The following SYNM variants were observed in gnomAD, a reference collection of about 807,000 sequenced individuals.
The protein encoded by SYNM is synemin, also known as desmuslin.
A neutral mutation model predicts 104.0 loss-of-function variants in SYNM; 95 were observed. The ratio of observed to expected loss-of-function variants is 0.91; its 90% CI spans 0.77 to 1.08. The LOEUF is 1.08. SYNM is among the 50% of genes least tolerant of loss of function. The pLI is 0.00. For missense variants in SYNM, 2,150 were observed against 2,052.2 expected (o/e 1.05, Z -0.92); for synonymous variants, 918 against 869.0 (o/e 1.06, Z -0.99).
chr15:99,124,734 C>T (rs1388275288), intron 2 of SYNM, among the ~76,000 whole-genome samples: 8 of 152,270 alleles, frequency 5.3e-5, no homozygotes, highest in African/African-American at 1.7e-4. Flanking sequence ...ACTGGTGAGC[C>T]GTATGCCCTT....
At chr15:99,138,292 G>A (rs1305950895), downstream of SYNM, among the ~76,000 whole-genome samples, 2 of 151,774 alleles carry the variant, frequency 1.3e-5, no homozygotes, top group African/African-American at 4.8e-5. Context: ...AACATGAGAT[G>A]TTTTCCTCCC....
intron 2 of SYNM, among the ~76,000 whole-genome samples, chr15:99,115,366 C>G (rs1327760905): frequency 1.1e-4 from 17 of 151,626 alleles, no homozygotes; most frequent in African/African-American, 4.1e-4. Flanking sequence ...AGGCCTAGTT[C>G]AGCACATCTT....
Position 99,105,759 on chromosome 15 carries a change from A to G in SYNM, c.560A>G (p.Tyr187Cys), listed in dbSNP as rs2151796162. Residue 187 changes from tyrosine (Y) to cysteine (C), a missense_variant, in exon 1 of 4, where the codon TAC (tyrosine) becomes TGC (cysteine). Transcript: ENST00000336292. ...PPRLREVHDS[Y>C]ALLVAESWRE... is the part of the protein sequence containing the mutation. ...CGCCTGCGGGAGGTGCACGACAGCT[A>G]CGCACTGCTGGTGGCCGAGTCGTGG... 5 of 1,538,734 alleles carry G rather than the reference A, an allele frequency of 3.2e-6. No individual in the cohort carries two copies. The highest frequency in any genetic ancestry group is 4.0e-5 in the Admixed American group (2 of 50,602).
intron 2 of SYNM, among the ~76,000 whole-genome samples, chr15:99,118,984 G>GGTGTGTA (rs1280222218): frequency 3.2e-4 from 48 of 152,362 alleles, no homozygotes; most frequent in African/African-American, 1.1e-3. Context: ...CTGGCACCAG[G>GGTGTGTA]CTGTACTGGC....
Position 99,131,560 on chromosome 15 carries a change from G to A in SYNM, c.3200G>A (p.Arg1067His), listed in dbSNP as rs5030698. The A allele has an allele frequency of 2.0e-5, 32 of 1,608,906 alleles. No homozygotes were observed. Among genetic ancestry groups the A allele is most frequent in the African/African-American group, 8.0e-5 (6 of 75,066 alleles). Residue 1067 changes from arginine (R) to histidine (H), a missense_variant, in exon 4 of 4, where the codon CGT (arginine) becomes CAT (histidine). Physicochemically the swap from Arg to His is conservative, Grantham distance 29. Coordinates refer to ENST00000336292, the MANE Select transcript of SYNM (RefSeq NM_145728.3). The surrounding 1 kb of genome is among the most constrained non-coding windows in gnomAD (Gnocchi z 4.3). ...EAPAAGIRFR[R>H]WATRELYIPS... is the part of the protein sequence containing the mutation. ...CCGGCTGCTGGCATTCGCTTTAGGCGTTGGGCCACCCGGGAGCTGTACATC... is the reference window on the plus strand; with the variant it reads ...CCGGCTGCTGGCATTCGCTTTAGGCATTGGGCCACCCGGGAGCTGTACATC...
chr15:99,136,315 G>A (rs931291854), downstream of SYNM: 1 of 152,218 alleles, frequency 6.6e-6, no homozygotes, highest in Non-Finnish European at 1.5e-5. Flanking sequence ...AGTACAGAAA[G>A]GAAGAAGTAA....
chr15:99,129,440 G>A lies in SYNM; in HGVS notation c.1080G>A (p.Arg360=), dbSNP rs1555485377. The A allele has an allele frequency of 1.2e-6, 2 of 1,613,938 alleles. No individual in the cohort carries two copies. Among genetic ancestry groups the A allele is most frequent in the East Asian group, 2.2e-5 (1 of 44,886 alleles). ...AAAATGAAAGGAATCTATTTTCAAG[G>A]CAGAAAGCACCTTTGGCAAGTTTCA... ...QRENERNLFS[R]QKAPLASFNH... The change falls in exon 4 of 4, where the codon AGG becomes AGA. Residue 360 remains arginine (R), a synonymous_variant. Transcript: ENST00000336292.
intron 2 of SYNM, among the ~76,000 whole-genome samples, chr15:99,123,110 G>A (rs1486442900): frequency 3.9e-5 from 6 of 152,084 alleles, no homozygotes; most frequent in Non-Finnish European, 7.4e-5. Context: ...AATTCCTACT[G>A]CAAACCTGTG....
At chr15:99,114,782 C>G (rs1191722039) in intron 2 of SYNM, among the ~76,000 whole-genome samples, 1 of 137,092 alleles carries the variant, frequency 7.3e-6, no homozygotes, top group Admixed American at 7.5e-5. Context: ...GCATCACCCT[C>G]CTTTCCCCTG....
At chr15:99,110,131 TGATGGGAGAGG>T (rs1161308180) in intron 1 of SYNM, among the ~76,000 whole-genome samples, 15 of 152,090 alleles carry the variant, frequency 9.9e-5, no homozygotes, top group Admixed American at 6.5e-5. Context: ...AGATTGAATG[TGATGGGAGAGG>T]GAGAAATCAC....
downstream of SYNM, chr15:99,139,032 G>A (rs577128841): frequency 4.3e-6 from 2 of 465,998 alleles, no homozygotes; most frequent in South Asian, 2.0e-5. Flanking sequence ...GGGATTCCCG[G>A]GGCCCTCCCC....
chr15:99,114,285 CAG>C (rs150819273), intron 2 of SYNM, among the ~76,000 whole-genome samples: 7,307 of 152,126 alleles, frequency 0.048, 240 homozygotes, highest in Middle Eastern at 0.099. Context: ...AGAGAGAGCT[CAG>C]GGGAAACTGC....
chr15:99,138,120 TG>T (rs782280476), downstream of SYNM: 35 of 1,612,490 alleles, frequency 2.2e-5, no homozygotes, highest in African/African-American at 4.7e-4. Context: ...GAAGCAACCT[TG>T]GGGGCCCTGC....
chr15:99,120,776 A>T (rs1318743685), intron 2 of SYNM, among the ~76,000 whole-genome samples: 4 of 152,120 alleles, frequency 2.6e-5, no homozygotes, highest in African/African-American at 9.7e-5. Flanking sequence ...AGAGGGATTG[A>T]AGATTGATGA....
In SYNM at chr15:99,131,369, C is replaced by T. The variant is rs1306490109; in HGVS notation, c.3009C>T (p.Val1003=). ...GGSSVTLVAE[V]NVSQTVDADR... is the part of the protein sequence containing the mutation. The stretch of plus-strand genomic sequence containing the variant: ...GTTCCGTGACCCTGGTTGCTGAAGT[C>T]AACGTCTCACAAACTGTGGATGCCG... The change falls in exon 4 of 4, where the codon GTC becomes GTT. Residue 1003 remains valine, a synonymous_variant. Coordinates refer to ENST00000336292, the MANE Select transcript of SYNM (RefSeq NM_145728.3). This position sits in a 1 kb window ranked among gnomAD's most constrained non-coding sequence, Gnocchi z 4.3. The T allele has an allele frequency of 6.2e-7, 1 of 1,613,106 alleles. No individual in the cohort carries two copies. Among genetic ancestry groups the T allele is most frequent in the Non-Finnish European group, 8.5e-7 (1 of 1,179,618 alleles).
chr15:99,118,781 C>T (rs2067373352), intron 2 of SYNM, among the ~76,000 whole-genome samples: 2 of 152,136 alleles, frequency 1.3e-5, no homozygotes, highest in Admixed American at 6.5e-5. Flanking sequence ...TGCCTTTGGC[C>T]AGTGCATGGC....
Position 99,130,724 on chromosome 15 carries a change from A to C in SYNM, c.2364A>C (p.Glu788Asp). 1 of 1,613,820 alleles carries C rather than the reference A, an allele frequency of 6.2e-7. No individual in the cohort carries two copies. Among genetic ancestry groups the C allele is most frequent in the Non-Finnish European group, 8.5e-7 (1 of 1,179,848 alleles). The part of the protein sequence containing the change: ...PGPWGLVKEE[E>D]GYGESDVTFS... ...CCTGGGGGTTGGTTAAGGAGGAGGAAGGTTATGGAGAAAGCGATGTCACAT... is the reference window on the plus strand; with the variant it reads ...CCTGGGGGTTGGTTAAGGAGGAGGACGGTTATGGAGAAAGCGATGTCACAT... Residue 788 changes from glutamate (E) to aspartate (D), a missense_variant, in exon 4 of 4, where the codon GAA becomes GAC. Coordinates refer to ENST00000336292, the MANE Select transcript of SYNM (RefSeq NM_145728.3).
downstream of SYNM, chr15:99,138,216 AG>A: frequency 2.6e-6 from 4 of 1,534,300 alleles, no homozygotes; most frequent in Non-Finnish European, 3.5e-6. Context: ...GCAGGTGCCC[AG>A]ACCCATTTAT....
intron 1 of SYNM, among the ~76,000 whole-genome samples, chr15:99,110,406 G>A (rs1007940328): frequency 7.2e-5 from 11 of 152,198 alleles, no homozygotes; most frequent in African/African-American, 2.7e-4. Context: ...CCATGTACGT[G>A]TGTTCAGTTT....
Sources: gnomAD v4.1 joint callset for allele counts (sites outside exome capture counted in the v4.1 genomes callset) on GRCh38, gnomAD v4.1.1 for gene constraint, Gnocchi (gnomAD v3.1) non-coding constraint, MANE v1.5 for transcripts, NCBI Gene and HGNC (gene_info 2026-07-23, HGNC 2026-07-21) for gene names.